Variants in FYN observed in about 807,000 individuals in gnomAD.
FYN encodes the protein FYN proto-oncogene, Src family tyrosine kinase, also known as tyrosine-protein kinase Fyn.
In FYN, 10 loss-of-function variants were observed where a neutral mutation model predicts 70.2. The observed-to-expected ratio is 0.14, with a 90% CI of 0.09 to 0.24. The LOEUF (loss-of-function observed/expected upper bound fraction) is 0.24. Ranked by LOEUF, FYN falls within the 10% of genes least tolerant of loss-of-function variation. The pLI is 1.00. For missense variants in FYN, 319 were observed against 673.1 expected, an observed-to-expected ratio of 0.47 and a Z score of 5.82; for synonymous variants, 236 against 248.6, an observed-to-expected ratio of 0.95 and a Z score of 0.48.
chr6:111,682,989 C>G (rs1798839972), intron 12 of FYN, among the ~76,000 whole-genome samples: 3 of 152,200 alleles, frequency 2.0e-5, no homozygotes, highest in Non-Finnish European at 4.4e-5. Context: ...CTCCAAACAT[C>G]AGAAGAGGAA....
At chr6:111,778,566 CTTTT>C (rs767075720) in intron 3 of FYN, among the ~76,000 whole-genome samples, 8 of 151,194 alleles carry the variant, frequency 5.3e-5, no homozygotes, top group African/African-American at 9.7e-5. Flanking sequence ...TTCTTTCTTT[CTTTT>C]GTTTTTGTTT....
At chr6:111,687,862 A>T (rs965338388) in intron 12 of FYN, among the ~76,000 whole-genome samples, 1 of 152,208 alleles carries the variant, frequency 6.6e-6, no homozygotes, top group African/African-American at 2.4e-5. Context: ...AGACAGGTTA[A>T]GCAACTTGTT....
chr6:111,673,619 A>ACTGTTTTTT (rs1301768351), intron 13 of FYN, among the ~76,000 whole-genome samples: 23 of 65,016 alleles, frequency 3.5e-4, no homozygotes, highest in South Asian at 9.8e-4. Flanking sequence ...CGTTTCTATC[A>ACTGTTTTTT]TTGTTTTTTT....
At chr6:111,700,290 A>C (rs752931666) in intron 8 of FYN, 22 bp from the exon 9 acceptor site, 18 of 1,612,946 alleles carry the variant, frequency 1.1e-5, no homozygotes, top group Non-Finnish European at 1.4e-5. Context: ...GGGCAGGGGC[A>C]GGAGAGGGAG....
chr6:111,793,918 G>A (rs967795522), intron 2 of FYN: 1 of 152,178 alleles, frequency 6.6e-6, no homozygotes, highest in Non-Finnish European at 1.5e-5. Context: ...GATCTACGCA[G>A]GCACCGAGAT....
At chr6:111,688,596 C>T (rs544284397) in intron 12 of FYN, among the ~76,000 whole-genome samples, 16 of 152,294 alleles carry the variant, frequency 1.1e-4, no homozygotes, top group East Asian at 3.9e-4. Context: ...CACAGATACT[C>T]GGGAGAACTG....
At chr6:111,780,955 CT>C (rs529325536) in intron 2 of FYN, 1 of 152,194 alleles carries the variant, frequency 6.6e-6, no homozygotes, top group Non-Finnish European at 1.5e-5. Context: ...TGCAGTTGAA[CT>C]CACAACATAT....
At chr6:111,666,182 A>G (rs893377790) in intron 13 of FYN, among the ~76,000 whole-genome samples, 1 of 151,980 alleles carries the variant, frequency 6.6e-6, no homozygotes, top group African/African-American at 2.4e-5. Flanking sequence ...CAGAAACTTT[A>G]TAAAACATGG....
At position 111,728,857 on chromosome 6, in the gene FYN, A is replaced by G. The variant is rs555464213; in HGVS notation, c.-11-8795T>C. Among the ~76,000 whole-genome samples, 6 of 152,308 alleles carry G rather than the reference A, an allele frequency of 3.9e-5. No homozygotes were observed. The South Asian group carries it at 1.2e-3, about 32-fold the overall frequency. ...ATGTTTTCAACTCTCTTAGATTAAT[A>G]TTTCAATATATAAGAAATTTATACA... On this transcript the variant is annotated intron_variant, in intron 3 of 13. Coordinates refer to ENST00000354650, the MANE Select transcript of FYN (RefSeq NM_002037.5).
At chr6:111,710,419 C>A in intron 5 of FYN, among the ~76,000 whole-genome samples, 1 of 152,238 alleles carries the variant, frequency 6.6e-6, no homozygotes, top group East Asian at 1.9e-4. Context: ...GGTCTAGGTA[C>A]CTAAATAGTG....
chr6:111,847,222 C>A (rs747198847), intron 1 of FYN, among the ~76,000 whole-genome samples: 1 of 152,192 alleles, frequency 6.6e-6, no homozygotes, highest in Non-Finnish European at 1.5e-5. Context: ...ACTCCAGCCC[C>A]GGGACTACCT....
Position 111,694,652 on chromosome 6 carries a change from T to G in FYN, c.1095A>C (p.Pro365=). 6.2e-7 allele frequency: 1 copy of G among 1,614,182 alleles called. No individual in the cohort carries two copies. The highest frequency in any genetic ancestry group is 8.5e-7 in the Non-Finnish European group (1 of 1,180,024). The change falls in exon 11 of 14, where the codon CCA becomes CCC. Residue 365 remains proline, a synonymous_variant. Transcript: ENST00000354650. The surrounding 1 kb of genome is among the most constrained non-coding windows in gnomAD (Gnocchi z 5.0). ...KDGEGRALKL[P]NLVDMAAQVA... The stretch of plus-strand genomic sequence containing the variant: ...CCTGTGCTGCCATGTCCACAAGATT[T>G]GGTAATTTCAGAGCTCTTCCTTCTC...
chr6:111,694,844 T>C lies in FYN; in HGVS notation c.1043-140A>G, dbSNP rs1335589334. On this transcript the variant is annotated intron_variant, in intron 10 of 13. Transcript: ENST00000354650. This position sits in a 1 kb window ranked among gnomAD's most constrained non-coding sequence, Gnocchi z 5.0. ...CCACATGGGGGGACAAAAAGGTTTA[T>C]ATAAAAAAGCAGGGTAGAAAAAAGT... 1.1e-5 allele frequency: 8 copies of C among 700,658 alleles called. No homozygotes were observed. Among genetic ancestry groups the C allele is most frequent in the South Asian group, 9.9e-5 (5 of 50,582 alleles). 43.4% of individuals were successfully genotyped at this position (700,658 alleles called of 1,614,324 possible).
chr6:111,803,984 C>A (rs1032329732), intron 2 of FYN, among the ~76,000 whole-genome samples: 4 of 152,156 alleles, frequency 2.6e-5, no homozygotes, highest in African/African-American at 9.7e-5. Context: ...CCAGAAATGA[C>A]CTCCTCCCCT....
chr6:111,762,118 G>C (rs1188214632), intron 3 of FYN, among the ~76,000 whole-genome samples: 1 of 152,146 alleles, frequency 6.6e-6, no homozygotes, highest in Non-Finnish European at 1.5e-5. Context: ...TCCTATCTAA[G>C]TGGCTTGAAC....
At chr6:111,812,649 C>T (rs1583464749) in intron 2 of FYN, among the ~76,000 whole-genome samples, 1 of 111,148 alleles carries the variant, frequency 9.0e-6, no homozygotes, top group Non-Finnish European at 1.7e-5. Context: ...GGAGGTTGGA[C>T]AGGAGGAGGC....
chr6:111,872,727 A>G (rs1047592137), intron 1 of FYN, among the ~76,000 whole-genome samples: 1 of 151,736 alleles, frequency 6.6e-6, no homozygotes, highest in Non-Finnish European at 1.5e-5. Context: ...CTTGCGGGCG[A>G]GGAAATGGGG....
At chr6:111,848,445 G>A (rs958771857) in intron 1 of FYN, among the ~76,000 whole-genome samples, 6 of 152,182 alleles carry the variant, frequency 3.9e-5, no homozygotes, top group Admixed American at 2.0e-4. Context: ...ATAGGAAAAC[G>A]GAAAACCCAT....
intron 1 of FYN, among the ~76,000 whole-genome samples, chr6:111,862,656 G>C (rs983586262): frequency 1.3e-5 from 2 of 152,206 alleles, no homozygotes; most frequent in African/African-American, 2.4e-5. Context: ...CTGGATTCTA[G>C]TCTAAGCTAA....
Sources: gnomAD v4.1 joint callset for allele counts (sites outside exome capture counted in the v4.1 genomes callset) on GRCh38, gnomAD v4.1.1 for gene constraint, Gnocchi (gnomAD v3.1) non-coding constraint, MANE v1.5 for transcripts, NCBI Gene and HGNC (gene_info 2026-07-23, HGNC 2026-07-21) for gene names.